Variants in ABCB5 observed in about 807,000 individuals in gnomAD.
The protein encoded by ABCB5 is ATP-binding cassette sub-family B member 5.
A neutral mutation model predicts 144.2 loss-of-function variants in ABCB5; 155 were observed. That is an observed-to-expected ratio of 1.08 (90% CI 0.94 to 1.23). The LOEUF is 1.23. Ranked by LOEUF, ABCB5 falls within the 50% of genes most tolerant of loss-of-function variation. The pLI is 0.00. For synonymous variants in ABCB5, 610 were observed against 528.6 expected (o/e 1.15, Z -2.11); for missense variants, 1,830 against 1,520.8 (o/e 1.20, Z -3.38).
At chr7:20,650,568 C>A in intron 12 of ABCB5, among the ~76,000 whole-genome samples, 1 of 132,530 alleles carries the variant, frequency 7.5e-6, no homozygotes, top group Non-Finnish European at 1.6e-5. Flanking sequence ...CTTTTCTTTT[C>A]CTTTTTTTTT....
chr7:20,708,280 C>CA (rs1176600183), intron 20 of ABCB5, among the ~76,000 whole-genome samples: 2 of 152,256 alleles, frequency 1.3e-5, no homozygotes, highest in Admixed American at 1.3e-4. Context: ...ATCAAATCTA[C>CA]AGCAGAAGCT....
At chr7:20,688,137 G>A (rs1284778325) in intron 16 of ABCB5, among the ~76,000 whole-genome samples, 1 of 152,130 alleles carries the variant, frequency 6.6e-6, no homozygotes, top group African/African-American at 2.4e-5. Context: ...AGGTTGCAGT[G>A]AGCTAAGATC....
At position 20,639,842 on chromosome 7, in the gene ABCB5, A is replaced by G. The variant is rs143939573; in HGVS notation, c.315-3342A>G. On this transcript the variant is annotated intron_variant, in intron 5 of 27. Coordinates refer to ENST00000404938, the MANE Select transcript of ABCB5 (RefSeq NM_001163941.2). ...ACTTTGGCTATTCTGAGTTCTCTACATTTCTATATGTATTTTATGATCACC... is the reference window on the plus strand; with the variant it reads ...ACTTTGGCTATTCTGAGTTCTCTACGTTTCTATATGTATTTTATGATCACC... 2.9e-3 allele frequency among the ~76,000 whole-genome samples: 435 copies of G among 152,292 alleles called. 1 individual carries two copies. Among genetic ancestry groups the G allele is most frequent in the African/African-American group, 0.01 (416 of 41,570 alleles).
intron 20 of ABCB5, among the ~76,000 whole-genome samples, chr7:20,721,388 G>A (rs1358646414): frequency 6.6e-6 from 1 of 152,204 alleles, no homozygotes; most frequent in Non-Finnish European, 1.5e-5. Context: ...GATTAAATAA[G>A]TTGGTAAAGG....
intron 11 of ABCB5, 108 bp downstream of exon 11, chr7:20,648,186 G>A: frequency 1.4e-6 from 1 of 701,622 alleles, no homozygotes; most frequent in Non-Finnish European, 2.4e-6. Flanking sequence ...CAAGATTTTG[G>A]CTACTTTGCT....
At chr7:20,660,970 G>C (rs934303919) in intron 14 of ABCB5, among the ~76,000 whole-genome samples, 7 of 152,184 alleles carry the variant, frequency 4.6e-5, no homozygotes, top group African/African-American at 1.7e-4. Context: ...TCTTAGGGCA[G>C]GGGTGAATTC....
chr7:20,750,029 G>A (rs372300118), intron 26 of ABCB5, among the ~76,000 whole-genome samples: 2 of 152,316 alleles, frequency 1.3e-5, no homozygotes, highest in East Asian at 3.9e-4. Flanking sequence ...AAATGTTTAA[G>A]TTTGGTAGTT....
At chr7:20,631,469 A>G (rs1197495447) in intron 4 of ABCB5, among the ~76,000 whole-genome samples, 3 of 152,142 alleles carry the variant, frequency 2.0e-5, no homozygotes, top group African/African-American at 7.2e-5. Flanking sequence ...ATGGATATCA[A>G]CCATGGTTTT....
At chr7:20,647,681 T>C (rs1784451081) in intron 10 of ABCB5, 33 bp downstream of exon 10, 1 of 1,541,682 alleles carries the variant, frequency 6.5e-7, no homozygotes, top group South Asian at 1.2e-5. Flanking sequence ...AGAATAACTA[T>C]CATTACTGCA....
At position 20,688,211 on chromosome 7, in the gene ABCB5, C is replaced by T. The variant is rs146515559; in HGVS notation, c.2010+2375C>T. ...CGGTCTCAAAAAACAAACCAAAAAA[C>T]AAAATAAAATAAAATAAAATAAACA... On this transcript the variant is annotated intron_variant, in intron 16 of 27. Coordinates refer to ENST00000404938, the MANE Select transcript of ABCB5 (RefSeq NM_001163941.2). Among the ~76,000 whole-genome samples, 149 of 151,418 alleles carry T rather than the reference C, an allele frequency of 9.8e-4. 1 individual carries two copies. Among genetic ancestry groups the T allele is most frequent in the African/African-American group, 3.5e-3 (143 of 41,188 alleles).
At chr7:20,658,406 T>C in intron 13 of ABCB5, 100 bp from the exon 14 acceptor site, 1 of 1,157,868 alleles carries the variant, frequency 8.6e-7, no homozygotes, top group South Asian at 1.5e-5. Context: ...GAAGTACTGA[T>C]TAAGCTGATA....
At chr7:20,734,920 A>T (rs1782336831) in intron 23 of ABCB5, among the ~76,000 whole-genome samples, 1 of 151,920 alleles carries the variant, frequency 6.6e-6, no homozygotes, top group Admixed American at 6.6e-5. Flanking sequence ...TAGATGTACA[A>T]AATAAGTTTA....
chr7:20,745,121 C>A, intron 25 of ABCB5, 111 bp from the exon 26 acceptor site: 1 of 1,160,040 alleles, frequency 8.6e-7, no homozygotes, highest in Non-Finnish European at 1.3e-6. Flanking sequence ...TTTGAAATAG[C>A]TTGAATTCCT....
At chr7:20,723,251 A>G (rs768214061) in intron 21 of ABCB5, 32 bp downstream of exon 21, 1 of 1,601,112 alleles carries the variant, frequency 6.2e-7, no homozygotes, top group South Asian at 1.1e-5. Context: ...CCATCGTAAC[A>G]TTTAAAGAGA....
intron 14 of ABCB5, chr7:20,659,907 C>G: frequency 1.1e-6 from 1 of 943,410 alleles, no homozygotes; most frequent in South Asian, 4.9e-5. Flanking sequence ...TGGTCTCAAA[C>G]TCCTGACCTC....
At chr7:20,731,098 T>A (rs1162880636) in intron 23 of ABCB5, among the ~76,000 whole-genome samples, 1 of 151,946 alleles carries the variant, frequency 6.6e-6, no homozygotes, top group African/African-American at 2.4e-5. Flanking sequence ...CTCATGCCTG[T>A]AGTCCCAACA....
chr7:20,682,410 C>A (rs1045068755), intron 15 of ABCB5, among the ~76,000 whole-genome samples: 1 of 152,034 alleles, frequency 6.6e-6, no homozygotes, highest in South Asian at 2.1e-4. Flanking sequence ...CTATATTACC[C>A]ACAAAAGGCT....
At chr7:20,638,815 G>C (rs1784220497) in intron 5 of ABCB5, among the ~76,000 whole-genome samples, 2 of 152,122 alleles carry the variant, frequency 1.3e-5, no homozygotes, top group South Asian at 2.1e-4. Flanking sequence ...TAATGCTTCT[G>C]TGAACACTGA....
intron 11 of ABCB5, 46 bp from the exon 12 acceptor site, chr7:20,649,976 T>C: frequency 1.9e-6 from 3 of 1,565,090 alleles, no homozygotes; most frequent in Non-Finnish European, 2.6e-6. Flanking sequence ...GTGTCCATCA[T>C]CTTCTTATTG....
Sources: allele counts gnomAD v4.1 joint callset (sites outside exome capture counted in the v4.1 genomes callset), GRCh38; gene constraint gnomAD v4.1.1; transcripts MANE v1.5; gene names NCBI Gene and HGNC (gene_info 2026-07-23, HGNC 2026-07-21).